COL19A1: variants seen among roughly 807,000 people sequenced by gnomAD.
COL19A1 encodes collagen type XIX alpha 1 chain.
COL19A1 carries 159 observed loss-of-function variants against 190.2 expected under a neutral mutation model. That is an observed-to-expected ratio of 0.84 (90% CI 0.73 to 0.95). COL19A1 has a LOEUF of 0.95. COL19A1 is among the 40% of genes least tolerant of loss of function. COL19A1 has a pLI of 0.00. For missense variants in COL19A1, 1,418 were observed against 1,431.9 expected (o/e 0.99, Z 0.16); for synonymous variants, 509 against 458.9 (o/e 1.11, Z -1.39).
chr6:70,107,136 C>T (rs1339382439), intron 16 of COL19A1, among the ~76,000 whole-genome samples: 1 of 152,164 alleles, frequency 6.6e-6, no homozygotes, highest in Non-Finnish European at 1.5e-5. Flanking sequence ...GAAGACAGAA[C>T]TGAAACACAG....
At chr6:69,941,996 G>T (rs1420830845) in intron 9 of COL19A1, among the ~76,000 whole-genome samples, 1 of 152,090 alleles carries the variant, frequency 6.6e-6, no homozygotes, top group East Asian at 1.9e-4. Flanking sequence ...AGCACAATGT[G>T]CTAGTTTTTC....
rs536084178 is a variant in COL19A1, at chr6:69,915,168, T to C, written c.267-12741T>C. On this transcript the variant is annotated intron_variant, in intron 4 of 50. Coordinates refer to ENST00000620364, the MANE Select transcript of COL19A1 (RefSeq NM_001858.6). ...CATCAAATTTGGACTTGCTATACAA[T>C]GAAATTGCTAATTACTTAATATACT... Among the ~76,000 whole-genome samples, 4 of 152,314 alleles carry C rather than the reference T, an allele frequency of 2.6e-5. No individual in the cohort carries two copies. The South Asian group carries it at 8.3e-4, about 32-fold the overall frequency.
At chr6:70,166,284 C>T (rs952335953) in intron 37 of COL19A1, among the ~76,000 whole-genome samples, 5 of 152,164 alleles carry the variant, frequency 3.3e-5, no homozygotes, top group African/African-American at 1.2e-4. Context: ...AGTCATTTAA[C>T]CTTAATGTGC....
intron 46 of COL19A1, among the ~76,000 whole-genome samples, chr6:70,185,652 A>C (rs149153246): frequency 6.6e-6 from 1 of 152,190 alleles, no homozygotes; most frequent in African/African-American, 2.4e-5. Flanking sequence ...TTTCTACTAG[A>C]ATTAACTTCT....
In COL19A1 at chr6:70,023,639, GA is replaced by G. The variant is rs758724432; in HGVS notation, c.1044del (p.Gly349GlufsTer14). ...GETGEKGEQG[E>X]KGDPALAGLN... ...TGTTTCTTTTTAGGGTGAACAAGGAGAAAAAGGAGATCCAGCTCTGGCTGGC... is the reference window on the plus strand; with the variant it reads ...TGTTTCTTTTTAGGGTGAACAAGGAGAAAAGGAGATCCAGCTCTGGCTGGC... On this transcript the variant is annotated frameshift_variant, in exon 12 of 51. Coordinates refer to ENST00000620364, the MANE Select transcript of COL19A1 (RefSeq NM_001858.6). LOFTEE classifies it high-confidence loss of function. 2 of 1,609,294 alleles carry G rather than the reference GA, an allele frequency of 1.2e-6. No homozygotes were observed. Among genetic ancestry groups the G allele is most frequent in the African/African-American group, 1.3e-5 (1 of 74,428 alleles).
chr6:70,060,762 A>C (rs1780782585), intron 14 of COL19A1, among the ~76,000 whole-genome samples: 1 of 152,136 alleles, frequency 6.6e-6, no homozygotes, highest in Admixed American at 6.6e-5. Flanking sequence ...TATATATTAC[A>C]GTGTAATAAT....
At chr6:70,037,983 A>T (rs1433692176) in intron 14 of COL19A1, among the ~76,000 whole-genome samples, 1 of 152,232 alleles carries the variant, frequency 6.6e-6, no homozygotes, top group Non-Finnish European at 1.5e-5. Flanking sequence ...TATGCTTGAC[A>T]TTACTTTCTT....
At chr6:69,940,765 A>G (rs1478333347) in intron 9 of COL19A1, among the ~76,000 whole-genome samples, 1 of 152,132 alleles carries the variant, frequency 6.6e-6, no homozygotes, top group Non-Finnish European at 1.5e-5. Flanking sequence ...TTAAACCAAC[A>G]TATGCTCTGC....
chr6:69,921,436 CATAT>C (rs1168655906), intron 4 of COL19A1, among the ~76,000 whole-genome samples: 4 of 121,300 alleles, frequency 3.3e-5, no homozygotes, highest in Non-Finnish European at 4.8e-5. Flanking sequence ...TCATATATAT[CATAT>C]ATATCATATA....
intron 16 of COL19A1, among the ~76,000 whole-genome samples, chr6:70,103,764 G>A (rs1315770767): frequency 2.0e-5 from 3 of 152,022 alleles, no homozygotes; most frequent in Admixed American, 1.3e-4. Context: ...CTTACACCTC[G>A]GACAGACACG....
intron 2 of COL19A1, among the ~76,000 whole-genome samples, chr6:69,881,760 A>C (rs141420549): frequency 2.6e-5 from 4 of 152,312 alleles, no homozygotes; most frequent in Admixed American, 2.6e-4. Flanking sequence ...TTATCATGCT[A>C]TTTGGTAGAG....
At chr6:70,138,069 G>A (rs745488532) in intron 19 of COL19A1, among the ~76,000 whole-genome samples, 1 of 152,180 alleles carries the variant, frequency 6.6e-6, no homozygotes, top group Non-Finnish European at 1.5e-5. Flanking sequence ...ACACCTAGGT[G>A]AGTTGATTCT....
At chr6:70,071,446 C>T (rs570343085) in intron 15 of COL19A1, among the ~76,000 whole-genome samples, 2 of 152,142 alleles carry the variant, frequency 1.3e-5, no homozygotes, top group African/African-American at 2.4e-5. Context: ...AAGTAATGTG[C>T]TTCTTACACT....
At chr6:70,090,177 CAA>C (rs112111876) in intron 15 of COL19A1, among the ~76,000 whole-genome samples, 11 of 141,472 alleles carry the variant, frequency 7.8e-5, no homozygotes, top group Non-Finnish European at 7.6e-5. Flanking sequence ...ACTCTTATCT[CAA>C]AAAAAAAAAA....
At chr6:70,095,443 A>G (rs2150180310) in intron 15 of COL19A1, among the ~76,000 whole-genome samples, 1 of 152,320 alleles carries the variant, frequency 6.6e-6, no homozygotes, top group Non-Finnish European at 1.5e-5. Context: ...AGAGGGTAGT[A>G]GAAGGGCAAT....
rs1249566111 is a variant in COL19A1 at position 69,921,443 on chromosome 6, A to ATAT, written c.267-6465_267-6464insATT. 4.4e-5 allele frequency among the ~76,000 whole-genome samples: 4 copies of ATAT among 90,018 alleles called. No individual in the cohort carries two copies. In the South Asian group the frequency reaches 9.5e-4, roughly 21 times the overall value. The allele number at this position is 90,018 out of a possible 152,430, so 59.1% of individuals were successfully genotyped here. ...CATATATATCATATATATCATATAT[A>ATAT]TCATATATCATATATATCATATATA... is the stretch of plus-strand genomic sequence containing the variant. On this transcript the variant is annotated intron_variant, in intron 4 of 50. Coordinates refer to ENST00000620364, the MANE Select transcript of COL19A1 (RefSeq NM_001858.6).
intron 17 of COL19A1, among the ~76,000 whole-genome samples, chr6:70,122,736 T>C (rs1260277691): frequency 4.6e-5 from 7 of 152,140 alleles, no homozygotes; most frequent in African/African-American, 1.7e-4. Flanking sequence ...CTTCCTGTAA[T>C]TTTTTCTGAC....
At chr6:70,196,782 C>T (rs1338872045) in intron 48 of COL19A1, among the ~76,000 whole-genome samples, 2 of 152,092 alleles carry the variant, frequency 1.3e-5, no homozygotes, top group African/African-American at 4.8e-5. Context: ...TAGCCAAAAA[C>T]ATTTTAATTG....
At chr6:70,119,411 C>A (rs1784755955) in intron 16 of COL19A1, among the ~76,000 whole-genome samples, 1 of 152,148 alleles carries the variant, frequency 6.6e-6, no homozygotes, top group Non-Finnish European at 1.5e-5. Flanking sequence ...CTGTGAAGTA[C>A]CTGGCAGAAG....
Sources: gnomAD v4.1 joint callset for allele counts (sites outside exome capture counted in the v4.1 genomes callset) on GRCh38, gnomAD v4.1.1 for gene constraint, MANE v1.5 for transcripts, NCBI Gene and HGNC (gene_info 2026-07-23, HGNC 2026-07-21) for gene names.